Variants in ACOXL observed in about 807,000 individuals in gnomAD.
ACOXL encodes the protein acyl-coenzyme A oxidase-like protein.
ACOXL carries 70 observed loss-of-function variants against 71.9 expected under a neutral mutation model. The ratio of observed to expected loss-of-function variants is 0.97; its 90% CI spans 0.80 to 1.19. The LOEUF (loss-of-function observed/expected upper bound fraction) is 1.19. ACOXL is among the 50% of genes most tolerant of loss of function. The probability of loss-of-function intolerance (pLI) is 0.00; values close to 1 mark genes in which losing one functional copy is unlikely to be tolerated. For missense variants in ACOXL, 703 were observed against 736.3 expected (o/e 0.95, Z 0.52); for synonymous variants, 253 against 281.6 (o/e 0.90, Z 1.02).
intron 16 of ACOXL, among the ~76,000 whole-genome samples, chr2:111,089,694 A>G (rs1042669344): frequency 1.6e-4 from 25 of 152,240 alleles, no homozygotes; most frequent in African/African-American, 5.5e-4. Flanking sequence ...AGGAATGTCA[A>G]ATGTTCAAAT....
intron 11 of ACOXL, 59 bp from the exon 12 acceptor site, chr2:110,933,430 T>C: frequency 6.4e-7 from 1 of 1,564,452 alleles, no homozygotes; most frequent in Non-Finnish European, 8.7e-7. Context: ...ATAATGCTCC[T>C]TCACACATGT....
chr2:110,856,291 C>T (rs1286444898), intron 10 of ACOXL, among the ~76,000 whole-genome samples: 1 of 152,170 alleles, frequency 6.6e-6, no homozygotes, highest in Non-Finnish European at 1.5e-5. Context: ...CCATCCCATC[C>T]TGAATGGAAT....
chr2:111,096,648 G>A (rs1010536217), intron 17 of ACOXL, among the ~76,000 whole-genome samples: 18 of 152,096 alleles, frequency 1.2e-4, no homozygotes, highest in African/African-American at 2.7e-4. Context: ...TAATAATTCC[G>A]ATACCTTAAA....
At chr2:110,902,642 T>C (rs2059286685) in intron 10 of ACOXL, among the ~76,000 whole-genome samples, 1 of 152,178 alleles carries the variant, frequency 6.6e-6, no homozygotes, top group African/African-American at 2.4e-5. Flanking sequence ...ACATTCTTAC[T>C]GATAATAAGA....
chr2:111,065,443 G>C (rs1310658878), intron 16 of ACOXL, among the ~76,000 whole-genome samples: 1 of 152,168 alleles, frequency 6.6e-6, no homozygotes, highest in African/African-American at 2.4e-5. Context: ...AAAACCTTTG[G>C]CAACTATGGT....
chr2:110,910,209 T>C (rs1185111466), intron 11 of ACOXL, among the ~76,000 whole-genome samples: 2 of 152,242 alleles, frequency 1.3e-5, no homozygotes, highest in African/African-American at 4.8e-5. Context: ...GTTTTGCCTG[T>C]TCTTGAACTT....
chr2:110,926,701 C>T (rs547199704), intron 11 of ACOXL, among the ~76,000 whole-genome samples: 1 of 152,248 alleles, frequency 6.6e-6, no homozygotes, highest in African/African-American at 2.4e-5. Flanking sequence ...TACCCTCAAA[C>T]TTTCTATCCC....
chr2:110,851,032 G>T (rs1019802345), intron 10 of ACOXL, among the ~76,000 whole-genome samples: 2 of 152,150 alleles, frequency 1.3e-5, no homozygotes, highest in African/African-American at 4.8e-5. Flanking sequence ...TGCCCTTACT[G>T]TGTGATTCTT....
intron 14 of ACOXL, among the ~76,000 whole-genome samples, chr2:111,019,203 A>G (rs1006227922): frequency 1.3e-5 from 2 of 152,212 alleles, no homozygotes; most frequent in African/African-American, 4.8e-5. Flanking sequence ...TGTAAAATCT[A>G]TTTAAGGCCT....
At position 110,794,625 on chromosome 2, in the gene ACOXL, A is replaced by G. The variant is rs149136733; in HGVS notation, c.345+451A>G. Among the ~76,000 whole-genome samples, 299 of 152,292 alleles carry G rather than the reference A, an allele frequency of 2.0e-3. 2 individuals carry two copies. Among genetic ancestry groups the G allele is most frequent in the African/African-American group, 7.0e-3 (290 of 41,564 alleles). On this transcript the variant is annotated intron_variant, in intron 5 of 17. Coordinates refer to ENST00000439055, the MANE Select transcript of ACOXL (RefSeq NM_001142807.4). ...GAGCTGAGTCTTCTGTACTGGGATC[A>G]TGTGCTGTCCCTTACCGTGACCTGC...
In ACOXL at chr2:111,107,084, G is replaced by A. The variant is rs114655621; in HGVS notation, c.1543-10532G>A. On this transcript the variant is annotated intron_variant, in intron 17 of 17. Coordinates refer to ENST00000439055, the MANE Select transcript of ACOXL (RefSeq NM_001142807.4). ...ACCATGGTGGGTACCTCACTATAGC[G>A]TGTTGTGGCTGTAAGAGCAAGCTCC... Among the ~76,000 whole-genome samples the A allele has an allele frequency of 2.3e-3, 346 of 152,326 alleles. 3 individuals are homozygous for A. Among genetic ancestry groups the A allele is most frequent in the African/African-American group, 7.9e-3 (327 of 41,564 alleles).
chr2:110,919,919 C>T (rs375803797), intron 11 of ACOXL, among the ~76,000 whole-genome samples: 6 of 152,204 alleles, frequency 3.9e-5, no homozygotes, highest in East Asian at 1.9e-4. Flanking sequence ...GAGTAGTATT[C>T]GTAGTATTCC....
At position 110,995,847 on chromosome 2, in the gene ACOXL, T is replaced by TG; in HGVS notation, c.1170-44dup. On this transcript the variant is annotated intron_variant, in intron 13 of 17. Coordinates refer to ENST00000439055, the MANE Select transcript of ACOXL (RefSeq NM_001142807.4). Reference sequence around the variant, plus strand: ...CTCTATTTCTTTCAAATGAAATTCTTGGTGAGGCCAAAATAATAATGATGG... The same window carrying TG: ...CTCTATTTCTTTCAAATGAAATTCTTGGGTGAGGCCAAAATAATAATGATGG... 2.0e-6 allele frequency: 3 copies of TG among 1,473,268 alleles called. No homozygotes were observed. The South Asian group carries it at 3.4e-5, about 17-fold the overall frequency. 91.3% of individuals were successfully genotyped at this position (1,473,268 alleles called of 1,614,324 possible).
At chr2:110,930,730 G>C (rs2060449956) in intron 11 of ACOXL, among the ~76,000 whole-genome samples, 1 of 152,170 alleles carries the variant, frequency 6.6e-6, no homozygotes, top group South Asian at 2.1e-4. Context: ...TCTTCTCATG[G>C]TAGTGAATAA....
intron 17 of ACOXL, among the ~76,000 whole-genome samples, chr2:111,112,172 A>C (rs571432906): frequency 1.3e-5 from 2 of 152,358 alleles, no homozygotes; most frequent in East Asian, 3.9e-4. Context: ...GATTCAGAGA[A>C]AATATTAGCT....
chr2:111,067,038 AAC>A (rs1424639763), intron 16 of ACOXL, among the ~76,000 whole-genome samples: 1 of 152,210 alleles, frequency 6.6e-6, no homozygotes. Context: ...GGTTCCTGAC[AAC>A]AGATACTGCA....
At chr2:110,937,822 C>T (rs2060721216) in intron 12 of ACOXL, among the ~76,000 whole-genome samples, 2 of 152,324 alleles carry the variant, frequency 1.3e-5, no homozygotes, top group South Asian at 4.1e-4. Context: ...GTTATTCCCA[C>T]CCTATGCCTC....
intron 10 of ACOXL, among the ~76,000 whole-genome samples, chr2:110,905,166 T>C (rs1209166504): frequency 2.6e-5 from 4 of 152,070 alleles, no homozygotes; most frequent in African/African-American, 9.7e-5. Context: ...AAAAGCAACT[T>C]CCTGCTTTGG....
intron 10 of ACOXL, among the ~76,000 whole-genome samples, chr2:110,866,132 G>T (rs1029923416): frequency 6.6e-6 from 1 of 152,228 alleles, no homozygotes; most frequent in Admixed American, 6.5e-5. Context: ...GTGGCGTGCC[G>T]TGTGCCTCAT....
Sources: allele counts gnomAD v4.1 joint callset (sites outside exome capture counted in the v4.1 genomes callset), GRCh38; gene constraint gnomAD v4.1.1; transcripts MANE v1.5; gene names NCBI Gene and HGNC (gene_info 2026-07-23, HGNC 2026-07-21).